The following PCDHGA2 variants were observed in gnomAD, a reference collection of about 807,000 sequenced individuals.
PCDHGA2 encodes the protein protocadherin gamma-A2.
A neutral mutation model predicts 59.2 loss-of-function variants in PCDHGA2; 40 were observed. The ratio of observed to expected loss-of-function variants is 0.68; its 90% CI spans 0.52 to 0.88. The LOEUF is 0.88. Ranked by LOEUF, PCDHGA2 falls within the 40% of genes least tolerant of loss-of-function variation. The pLI is 0.00. For synonymous variants in PCDHGA2, 560 were observed against 526.0 expected (o/e 1.06, Z -0.89); for missense variants, 1,226 against 1,204.0 (o/e 1.02, Z -0.27).
chr5:141,366,145 CT>C, intron 1 of PCDHGA2: 1 of 1,614,192 alleles, frequency 6.2e-7, no homozygotes, highest in East Asian at 2.2e-5. Flanking sequence ...CCTGGCTGTC[CT>C]ACCGCCTGCT....
chr5:141,366,268 C>T (rs1426955979), intron 1 of PCDHGA2: 1 of 1,613,718 alleles, frequency 6.2e-7, no homozygotes, highest in Non-Finnish European at 8.5e-7. Flanking sequence ...TGGTGGCCGT[C>T]GAAGACCATG....
intron 1 of PCDHGA2, chr5:141,366,681 G>T (rs1190460082): frequency 1.2e-6 from 2 of 1,614,160 alleles, no homozygotes; most frequent in Non-Finnish European, 1.7e-6. Context: ...AGTGAAGAGA[G>T]CTGTGAGAAA....
At chr5:141,478,862 C>T (rs1057119202) in intron 1 of PCDHGA2, 23 of 1,325,916 alleles carry the variant, frequency 1.7e-5, no homozygotes, top group Non-Finnish European at 2.2e-5. Flanking sequence ...AAGATCTCAG[C>T]GATCAGAGTT....
chr5:141,396,628 A>G (rs1384822433), intron 1 of PCDHGA2: 2 of 152,210 alleles, frequency 1.3e-5, no homozygotes, highest in Non-Finnish European at 2.9e-5. Flanking sequence ...TCAAAAAAAA[A>G]AAAAACTAAT....
Position 141,339,542 on chromosome 5 carries a change from T to A in PCDHGA2, c.571T>A (p.Tyr191Asn). ...GCGAAGGGGAGCTGATGGGAACAAG[T>A]ACCCAGAACTGGTGCTGGAGCGCTC... ...DVRRGADGNK[Y>N]PELVLERSLD... is the part of the protein sequence containing the mutation. The change falls in exon 1 of 4, where the codon TAC becomes AAC. Residue 191 changes from tyrosine (Y) to asparagine (N), a missense_variant. Transcript: ENST00000394576. The A allele has an allele frequency of 6.2e-7, 1 of 1,614,132 alleles. No homozygotes were observed. The highest frequency in any genetic ancestry group is 1.1e-5 in the South Asian group (1 of 91,084).
At chr5:141,405,227 C>T (rs562247940) in intron 1 of PCDHGA2, 1 of 1,614,114 alleles carries the variant, frequency 6.2e-7, no homozygotes, top group South Asian at 1.1e-5. Flanking sequence ...GGAGTTCTCC[C>T]TCACCGCTGA....
intron 1 of PCDHGA2, chr5:141,441,678 G>A (rs952726158): frequency 3.4e-6 from 1 of 292,424 alleles, no homozygotes; most frequent in Non-Finnish European, 6.7e-6. Flanking sequence ...GTGCGCCTTC[G>A]ACCAAGAGCA....
chr5:141,386,228 G>A (rs2090502520), intron 1 of PCDHGA2, among the ~76,000 whole-genome samples: 1 of 152,100 alleles, frequency 6.6e-6, no homozygotes, highest in Non-Finnish European at 1.5e-5. Context: ...TAGGTCTACT[G>A]AAAAATTCAG....
chr5:141,398,298 C>T (rs746476042), intron 1 of PCDHGA2: 1 of 1,362,258 alleles, frequency 7.3e-7, no homozygotes, highest in South Asian at 1.3e-5. Flanking sequence ...TGGGGTTCAG[C>T]GTCCAGGAGT....
At chr5:141,483,656 G>A (rs1345435222) in intron 1 of PCDHGA2, among the ~76,000 whole-genome samples, 1 of 151,984 alleles carries the variant, frequency 6.6e-6, no homozygotes, top group Non-Finnish European at 1.5e-5. Flanking sequence ...GTTTGTGTGT[G>A]TGTGTGTGTG....
rs1756999816 is a variant in PCDHGA2, at chr5:141,340,906, C to T, written c.1935C>T (p.Ala645=). ...RDALKQSLVV[A]IQDHGQPPLS... is the part of the protein sequence containing the mutation. ...CGCTCAAGCAGAGCCTCGTGGTGGC[C>T]ATCCAGGACCACGGCCAGCCCCCTC... The change falls in exon 1 of 4, where the codon GCC becomes GCT. Residue 645 remains alanine, a synonymous_variant. Transcript: ENST00000394576. 2.5e-6 allele frequency: 4 copies of T among 1,613,782 alleles called. No individual in the cohort carries two copies. The highest frequency in any genetic ancestry group is 1.3e-5 in the African/African-American group (1 of 75,068).
intron 1 of PCDHGA2, among the ~76,000 whole-genome samples, chr5:141,382,003 A>G (rs1271495792): frequency 6.6e-6 from 1 of 150,830 alleles, no homozygotes; most frequent in Non-Finnish European, 1.5e-5. Flanking sequence ...ATAATTTTGT[A>G]TTTTTAGTAG....
chr5:141,345,616 T>G (rs1490856999), intron 1 of PCDHGA2: 1 of 1,614,056 alleles, frequency 6.2e-7, no homozygotes, highest in Non-Finnish European at 8.5e-7. Flanking sequence ...TTTAGAGACT[T>G]AAAGCTACTG....
At chr5:141,435,994 G>T (rs1007093302) in intron 1 of PCDHGA2, among the ~76,000 whole-genome samples, 18 of 152,046 alleles carry the variant, frequency 1.2e-4, no homozygotes, top group Admixed American at 1.2e-3. Context: ...GTGATTTTTT[G>T]AAAGAAAGTA....
intron 1 of PCDHGA2, among the ~76,000 whole-genome samples, chr5:141,386,783 C>A (rs1254282500): frequency 6.6e-6 from 1 of 152,150 alleles, no homozygotes; most frequent in Non-Finnish European, 1.5e-5. Context: ...AAAAGAAAAT[C>A]TCCTGACCAA....
intron 1 of PCDHGA2, chr5:141,421,617 C>A (rs781622911): frequency 6.2e-7 from 1 of 1,613,768 alleles, no homozygotes; most frequent in South Asian, 1.1e-5. Flanking sequence ...TTAATGATAA[C>A]GCCCCCAGCT....
rs1179408656 is a variant in PCDHGA2, at chr5:141,395,537, A to ATTGT, written c.2424+54147_2424+54150dup. 1,010 of 243,944 alleles carry ATTGT rather than the reference A, an allele frequency of 4.1e-3. 17 individuals are homozygous for ATTGT. In the African/African-American group the frequency reaches 0.049, roughly 12 times the overall value. The allele number at this position is 243,944 out of a possible 1,614,324, so 15.1% of individuals were successfully genotyped here. On this transcript the variant is annotated intron_variant, in intron 1 of 3. Coordinates refer to ENST00000394576, the MANE Select transcript of PCDHGA2 (RefSeq NM_018915.4). ...ACCCGTCCATACTGGTAATTTTGCT[A>ATTGT]TTGTTTGTGTGTGTGTGTGTGTGTG... is the stretch of plus-strand genomic sequence containing the variant.
At chr5:141,361,178 T>C (rs1395643318) in intron 1 of PCDHGA2, 3 of 1,613,812 alleles carry the variant, frequency 1.9e-6, no homozygotes, top group Non-Finnish European at 1.7e-6. Flanking sequence ...CCTGAAGTTA[T>C]TGTGACTTCA....
At chr5:141,411,189 T>C (rs1222862554) in intron 1 of PCDHGA2, 1 of 152,208 alleles carries the variant, frequency 6.6e-6, no homozygotes, top group Non-Finnish European at 1.5e-5. Context: ...TCTTGGCATC[T>C]AAGAAAACAA....
Sources: allele counts gnomAD v4.1 joint callset (sites outside exome capture counted in the v4.1 genomes callset), GRCh38; gene constraint gnomAD v4.1.1; transcripts MANE v1.5; gene names NCBI Gene and HGNC (gene_info 2026-07-23, HGNC 2026-07-21).